SGCD: variants seen among roughly 807,000 people sequenced by gnomAD.
SGCD encodes the protein sarcoglycan delta, also known as delta-sarcoglycan.
Under a neutral mutation model 36.6 loss-of-function variants are expected in SGCD, and 18 were observed. The ratio of observed to expected loss-of-function variants is 0.49; its 90% confidence interval spans 0.34 to 0.73. SGCD has a LOEUF of 0.73. Among genes scored for constraint, SGCD ranks in the 30% least tolerant of loss-of-function variants. The probability of loss-of-function intolerance (pLI) is 0.01; values close to 1 mark genes in which losing one functional copy is unlikely to be tolerated. For missense variants in SGCD, 387 were observed against 346.7 expected (o/e 1.12, Z -0.92); for synonymous variants, 133 against 130.6 (o/e 1.02, Z -0.12).
chr5:156,513,794 A>T (rs1757040209), intron 4 of SGCD, among the ~76,000 whole-genome samples: 1 of 152,344 alleles, frequency 6.6e-6, no homozygotes, highest in East Asian at 1.9e-4. Context: ...TCATCTTTAT[A>T]AATATTTGCA....
At chr5:155,819,629 AG>A in the SGCD span, among the ~76,000 whole-genome samples, 1 of 152,170 alleles carries the variant, frequency 6.6e-6, no homozygotes, top group South Asian at 2.1e-4. Context: ...TACTTCCTTA[AG>A]GGCACACAAC....
intron 3 of SGCD, among the ~76,000 whole-genome samples, chr5:156,409,247 C>G (rs1290379372): frequency 6.6e-6 from 1 of 152,096 alleles, no homozygotes; most frequent in Non-Finnish European, 1.5e-5. Context: ...TCCTTCCTTT[C>G]CTTAATTTCC....
At chr5:156,464,738 G>A (rs748861846) in intron 3 of SGCD, among the ~76,000 whole-genome samples, 4 of 152,064 alleles carry the variant, frequency 2.6e-5, no homozygotes. Flanking sequence ...CCCCTTGAAC[G>A]AACATGGCTT....
intron 3 of SGCD, among the ~76,000 whole-genome samples, chr5:156,295,993 T>A (rs1766883645): frequency 6.6e-6 from 1 of 152,092 alleles, no homozygotes; most frequent in Non-Finnish European, 1.5e-5. Flanking sequence ...GAATGTTAAA[T>A]CAGATGGTAG....
At chr5:156,443,043 G>A (rs1476397447) in intron 3 of SGCD, among the ~76,000 whole-genome samples, 1 of 152,226 alleles carries the variant, frequency 6.6e-6, no homozygotes, top group Middle Eastern at 3.4e-3. Context: ...GGAGTGCAGT[G>A]GGTCAATCTC....
At position 156,765,625 on chromosome 5, in the gene SGCD, T is replaced by C. The variant is rs539092870; in HGVS notation, c.*6235T>C. On this transcript the variant is annotated 3_prime_UTR_variant, in exon 9 of 9. Coordinates refer to ENST00000337851, the MANE Select transcript of SGCD (RefSeq NM_000337.6). ...TAAACATTTTACATACATTCTCCTA[T>C]TTCATCCTCAAAACAATCCTTTGAG... 12 of 152,336 alleles carry C rather than the reference T, an allele frequency of 7.9e-5. 1 individual carries two copies. Among genetic ancestry groups the C allele is most frequent in the African/African-American group, 2.2e-4 (9 of 41,584 alleles). The allele number at this position is 152,336 out of a possible 1,614,324, so 9.4% of individuals were successfully genotyped here. A position where few individuals can be genotyped will look rare whatever the true frequency, so the allele number is the denominator to read the frequency against.
the SGCD span, chr5:155,845,463 G>T: frequency 6.6e-6 from 1 of 152,348 alleles, no homozygotes; most frequent in African/African-American, 2.4e-5. Context: ...CCCTGAACGC[G>T]CCTGATCTCG....
intron 3 of SGCD, among the ~76,000 whole-genome samples, chr5:156,152,254 T>A (rs1762851476): frequency 6.6e-6 from 1 of 151,796 alleles, no homozygotes; most frequent in East Asian, 1.9e-4. Flanking sequence ...ACATTGACCT[T>A]ACTGAAAACT....
At chr5:156,657,410 C>G (rs1426196325) in intron 7 of SGCD, among the ~76,000 whole-genome samples, 1 of 132,676 alleles carries the variant, frequency 7.5e-6, no homozygotes, top group East Asian at 2.4e-4. Flanking sequence ...CCCCACCCCA[C>G]AGTAGTCCCC....
At chr5:156,416,750 T>C (rs537264000) in intron 3 of SGCD, among the ~76,000 whole-genome samples, 83 of 152,268 alleles carry the variant, frequency 5.5e-4, no homozygotes, top group African/African-American at 2.0e-3. Flanking sequence ...ATTTACAGCC[T>C]CAAGAGGATC....
At chr5:156,589,826 A>C (rs1760652037) in intron 5 of SGCD, among the ~76,000 whole-genome samples, 1 of 152,188 alleles carries the variant, frequency 6.6e-6, no homozygotes, top group Non-Finnish European at 1.5e-5. Flanking sequence ...ATCTTTACTG[A>C]ATATGTTTGT....
chr5:155,890,366 G>A (rs1051552866), intron 1 of SGCD, among the ~76,000 whole-genome samples: 13 of 152,304 alleles, frequency 8.5e-5, no homozygotes, highest in African/African-American at 3.1e-4. Flanking sequence ...GCTCATGGCT[G>A]TAATCCCAGC....
intron 4 of SGCD, among the ~76,000 whole-genome samples, chr5:156,529,503 G>A (rs1045762020): frequency 3.5e-5 from 5 of 144,416 alleles, no homozygotes; most frequent in African/African-American, 1.3e-4. Context: ...TCACTCCTAT[G>A]TTGTTGGCAA....
chr5:155,884,945 TGTAA>T (rs749794367), intron 1 of SGCD, among the ~76,000 whole-genome samples: 1 of 117,338 alleles, frequency 8.5e-6, no homozygotes, highest in Non-Finnish European at 1.6e-5. Flanking sequence ...ACATGTTTTG[TGTAA>T]GTATTTTCTC....
At chr5:156,222,598 C>T (rs1581177409) in intron 3 of SGCD, among the ~76,000 whole-genome samples, 1 of 152,218 alleles carries the variant, frequency 6.6e-6, no homozygotes, top group African/African-American at 2.4e-5. Flanking sequence ...AAAGCCACTG[C>T]TCAAAGCATT....
In SGCD at chr5:156,038,710, A is replaced by T. The variant is rs574644726; in HGVS notation, c.-281-79168A>T. The stretch of plus-strand genomic sequence containing the variant: ...TACATAAAGCCTTACTTTGTTCCTT[A>T]CTTTGTTAGATGGGGAATATGGGGA... On this transcript the variant is annotated intron_variant, in intron 1 of 9. Coordinates refer to the SGCD transcript ENST00000517913. Among the ~76,000 whole-genome samples the T allele has an allele frequency of 1.3e-4, 20 of 152,248 alleles. No homozygotes were observed. In the East Asian group the frequency reaches 3.3e-3, roughly 25 times the overall value.
chr5:156,085,333 C>T (rs902628956), intron 1 of SGCD, among the ~76,000 whole-genome samples: 1 of 152,102 alleles, frequency 6.6e-6, no homozygotes, highest in Non-Finnish European at 1.5e-5. Context: ...GGGACGATCC[C>T]TCATGGCTAG....
At chr5:156,321,251 C>G (rs1414972273) in intron 3 of SGCD, among the ~76,000 whole-genome samples, 3 of 152,010 alleles carry the variant, frequency 2.0e-5, no homozygotes, top group Non-Finnish European at 4.4e-5. Context: ...AACCCCATCT[C>G]TACTAAAAAT....
chr5:156,062,399 G>A (rs895360845), intron 1 of SGCD, among the ~76,000 whole-genome samples: 1 of 82,662 alleles, frequency 1.2e-5, no homozygotes, highest in East Asian at 3.2e-4. Context: ...ACATACGTGT[G>A]CATGTGTCTT....
Sources: allele counts gnomAD v4.1 joint callset (sites outside exome capture counted in the v4.1 genomes callset), GRCh38; gene constraint gnomAD v4.1.1; transcripts MANE v1.5; gene names NCBI Gene and HGNC (gene_info 2026-07-23, HGNC 2026-07-21).